ATP2B2: variants seen among roughly 807,000 people sequenced by gnomAD.
ATP2B2 encodes ATPase plasma membrane Ca2+ transporting 2.
ATP2B2 carries 15 observed loss-of-function variants against 120.0 expected under a neutral mutation model. The observed-to-expected ratio is 0.12, with a 90% CI of 0.08 to 0.19. The LOEUF (loss-of-function observed/expected upper bound fraction) is 0.19, where lower values mean the gene tolerates loss of function less well. ATP2B2 is among the 10% of genes least tolerant of loss of function. The pLI, the probability that ATP2B2 is intolerant of heterozygous loss-of-function variation, is 1.00. For missense variants in ATP2B2, 1,045 were observed against 1,719.8 expected (o/e 0.61, Z 6.94); for synonymous variants, 694 against 700.3 (o/e 0.99, Z 0.14).
At chr3:10,691,866 A>C (rs2071669480) in intron 1 of ATP2B2, among the ~76,000 whole-genome samples, 1 of 152,186 alleles carries the variant, frequency 6.6e-6, no homozygotes, top group South Asian at 2.1e-4. Context: ...TTTATGTCTA[A>C]GAAGTCTCAT....
intron 2 of ATP2B2, among the ~76,000 whole-genome samples, chr3:10,588,265 T>C (rs974702772): frequency 1.3e-5 from 2 of 152,180 alleles, no homozygotes; most frequent in Non-Finnish European, 2.9e-5. Flanking sequence ...TGGTCAAATG[T>C]CTCTAGACAT....
At chr3:10,607,565 T>C (rs2069120532) in intron 2 of ATP2B2, among the ~76,000 whole-genome samples, 1 of 152,198 alleles carries the variant, frequency 6.6e-6, no homozygotes. Context: ...AAATGATCCA[T>C]TTCTAGGGTA....
intron 1 of ATP2B2, among the ~76,000 whole-genome samples, chr3:10,704,525 G>A (rs1278984607): frequency 4.0e-5 from 6 of 149,386 alleles, no homozygotes; most frequent in African/African-American, 1.0e-4. Flanking sequence ...TAAATCTAGC[G>A]GGAAAGCCCT....
chr3:10,548,551 C>A (rs568202602), intron 2 of ATP2B2, among the ~76,000 whole-genome samples: 2 of 152,168 alleles, frequency 1.3e-5, no homozygotes, highest in Non-Finnish European at 2.9e-5. Flanking sequence ...ATAGCTATCC[C>A]AGCTCCCTTC....
At chr3:10,394,517 G>A (rs376907509) in intron 5 of ATP2B2, 30 of 471,234 alleles carry the variant, frequency 6.4e-5, no homozygotes, top group Admixed American at 4.2e-4. Flanking sequence ...ACACCCCGCT[G>A]CCTCTCATGG....
At chr3:10,509,192 G>C (rs1449177383), upstream of ATP2B2, among the ~76,000 whole-genome samples, 1 of 152,124 alleles carries the variant, frequency 6.6e-6, no homozygotes, top group African/African-American at 2.4e-5. Flanking sequence ...GCAGGTCTGA[G>C]GGGAGAGGAC....
chr3:10,639,549 C>G (rs185066864), intron 1 of ATP2B2, among the ~76,000 whole-genome samples: 3 of 152,146 alleles, frequency 2.0e-5, no homozygotes, highest in Non-Finnish European at 4.4e-5. Context: ...ACCTAATCAC[C>G]TCCCCAAGGC....
intron 3 of ATP2B2, among the ~76,000 whole-genome samples, chr3:10,512,464 G>GCGCGCACACACA (rs749056818): frequency 8.2e-4 from 113 of 136,996 alleles, no homozygotes; most frequent in Middle Eastern, 7.6e-3. Context: ...AAGTGTGTGC[G>GCGCGCACACACA]CACACACACA....
rs529948270 is a variant in ATP2B2, at chr3:10,386,120, G to T, written c.940+360C>A. 2.0e-3 allele frequency among the ~76,000 whole-genome samples: 298 copies of T among 152,358 alleles called. 2 individuals carry two copies. Among genetic ancestry groups the T allele is most frequent in the South Asian group, 0.012 (60 of 4,826 alleles). The stretch of plus-strand genomic sequence containing the variant: ...GGGTGAAGCACACTGTTGCGTGAGG[G>T]CATGGGCTCCCCAGGGGTGCTGGTG... On this transcript the variant is annotated intron_variant, in intron 7 of 22. Coordinates refer to ENST00000360273, the MANE Select transcript of ATP2B2 (RefSeq NM_001001331.4).
chr3:10,574,263 G>A (rs2068193064), intron 2 of ATP2B2, among the ~76,000 whole-genome samples: 1 of 152,220 alleles, frequency 6.6e-6, no homozygotes, highest in South Asian at 2.1e-4. Context: ...ACATGAAACT[G>A]CTGATTGTGA....
chr3:10,487,976 C>T (rs563065848), intron 1 of ATP2B2, among the ~76,000 whole-genome samples: 2 of 152,240 alleles, frequency 1.3e-5, no homozygotes, highest in East Asian at 3.9e-4. Flanking sequence ...TATCTTCCTG[C>T]CCATCCATCC....
At chr3:10,390,111 C>G (rs2124887694) in intron 5 of ATP2B2, among the ~76,000 whole-genome samples, 1 of 152,298 alleles carries the variant, frequency 6.6e-6, no homozygotes, top group East Asian at 1.9e-4. Flanking sequence ...CCTGGCCTGG[C>G]TGGACAGTGT....
chr3:10,408,467 GAGA>G (rs895666178), intron 3 of ATP2B2, among the ~76,000 whole-genome samples: 1 of 152,182 alleles, frequency 6.6e-6, no homozygotes, highest in Non-Finnish European at 1.5e-5. Context: ...TGGGCTTCCG[GAGA>G]AGGAGTTAGG....
intron 1 of ATP2B2, among the ~76,000 whole-genome samples, chr3:10,654,994 G>T (rs1262934812): frequency 6.6e-6 from 1 of 152,176 alleles, no homozygotes; most frequent in East Asian, 1.9e-4. Context: ...CCTGGAAGGT[G>T]CTTGGAAGAC....
Position 10,338,046 on chromosome 3 carries a change from C to G in ATP2B2, c.3420+130G>C, listed in dbSNP as rs898932702. 8.2e-6 allele frequency: 10 copies of G among 1,222,714 alleles called. No homozygotes were observed. The East Asian group carries it at 2.5e-4, about 30-fold the overall frequency. The allele number at this position is 1,222,714 out of a possible 1,614,324, so 75.7% of individuals were successfully genotyped here. On this transcript the variant is annotated intron_variant, in intron 22 of 22. Transcript: ENST00000360273. ...GTGCAAGTGGCTGGTGAGAGCTGGC[C>G]GGGACCCCTCTGTAGCCACCCTCCC...
At chr3:10,566,300 G>A (rs1323284498) in intron 2 of ATP2B2, 2 of 152,244 alleles carry the variant, frequency 1.3e-5, no homozygotes, top group Non-Finnish European at 2.9e-5. Flanking sequence ...TAGCTAATTA[G>A]GAGGCAGGGC....
chr3:10,553,324 G>A (rs567025289), intron 2 of ATP2B2, among the ~76,000 whole-genome samples: 12 of 152,230 alleles, frequency 7.9e-5, no homozygotes, highest in Non-Finnish European at 1.2e-4. Flanking sequence ...TTTCCTCAGC[G>A]CCCTGTTCCA....
At chr3:10,331,303 C>CT (rs1351797615) in intron 22 of ATP2B2, among the ~76,000 whole-genome samples, 1 of 152,236 alleles carries the variant, frequency 6.6e-6, no homozygotes, top group Non-Finnish European at 1.5e-5. Context: ...AAAGAAGGCG[C>CT]TGCAGGCCTC....
chr3:10,685,270 TCAAG>T (rs762354262), intron 1 of ATP2B2, among the ~76,000 whole-genome samples: 4 of 152,148 alleles, frequency 2.6e-5, no homozygotes, highest in Non-Finnish European at 4.4e-5. Context: ...TATTCTGAAG[TCAAG>T]CCAATAAGTG....
Sources: gnomAD v4.1 joint callset for allele counts (sites outside exome capture counted in the v4.1 genomes callset) on GRCh38, gnomAD v4.1.1 for gene constraint, MANE v1.5 for transcripts, NCBI Gene and HGNC (gene_info 2026-07-23, HGNC 2026-07-21) for gene names.